Variants in MGST1 observed in about 807,000 individuals in gnomAD.
MGST1 encodes the protein microsomal glutathione S-transferase 1.
MGST1 carries 5 observed loss-of-function variants against 8.9 expected under a neutral mutation model. The ratio of observed to expected loss-of-function variants is 0.56; its 90% CI spans 0.29 to 1.19. The LOEUF (loss-of-function observed/expected upper bound fraction) is 1.19, where lower values mean the gene tolerates loss of function less well. Ranked by LOEUF, MGST1 falls within the 50% of genes most tolerant of loss-of-function variation. The probability of loss-of-function intolerance (pLI) is 0.08; values close to 1 mark genes in which losing one functional copy is unlikely to be tolerated. For missense variants in MGST1, 182 were observed against 187.4 expected (o/e 0.97, Z 0.17); for synonymous variants, 54 against 67.8 (o/e 0.80, Z 1.00).
chr12:16,351,387 A>G (rs1030692762), intron 1 of MGST1, among the ~76,000 whole-genome samples: 1 of 152,206 alleles, frequency 6.6e-6, no homozygotes, highest in African/African-American at 2.4e-5. Context: ...CTAATCTAAC[A>G]TACTGTGCTT....
In MGST1 at chr12:16,537,183, C is replaced by T. The variant is rs939340726; in HGVS notation, n.483-52345C>T. On this transcript the variant is annotated intron_variant and non_coding_transcript_variant, in intron 4 of 4. Transcript: ENST00000538857. This position sits in a 1 kb window ranked among gnomAD's most constrained non-coding sequence, Gnocchi z 4.6. Reference sequence around the variant, plus strand: ...GCCAAAATAAAGGGATTACAGGGCCCATCCAAGTCTGAAATCCAGTGGGGC... The same window carrying T: ...GCCAAAATAAAGGGATTACAGGGCCTATCCAAGTCTGAAATCCAGTGGGGC... Among the ~76,000 whole-genome samples the T allele has an allele frequency of 6.6e-6, 1 of 152,158 alleles. No individual in the cohort carries two copies. The highest frequency in any genetic ancestry group is 1.5e-5 in the Non-Finnish European group (1 of 68,020).
In MGST1 at chr12:16,458,009, C is replaced by A. The variant is rs537806984; in HGVS notation, n.482+74405C>A. On this transcript the variant is annotated intron_variant and non_coding_transcript_variant, in intron 4 of 4. Coordinates refer to the MGST1 transcript ENST00000538857. The surrounding 1 kb of genome is among the most constrained non-coding windows in gnomAD (Gnocchi z 4.0). ...ATCACTTAATTTTTCCCTAGGAAAGCTTTTGCTTGCCCTAGCAATATTATA... is the reference window on the plus strand; with the variant it reads ...ATCACTTAATTTTTCCCTAGGAAAGATTTTGCTTGCCCTAGCAATATTATA... 6.6e-6 allele frequency among the ~76,000 whole-genome samples: 1 copy of A among 152,088 alleles called. No homozygotes were observed. The highest frequency in any genetic ancestry group is 2.4e-5 in the African/African-American group (1 of 41,526).
intron 4 of MGST1, among the ~76,000 whole-genome samples, chr12:16,568,717 CTTGGCTACT>C (rs1942704708): frequency 2.0e-5 from 3 of 152,262 alleles, no homozygotes; most frequent in South Asian, 4.1e-4. Context: ...AAACACTTTC[CTTGGCTACT>C]TTGGCTACTA....
chr12:16,354,436 G>A (rs1939617656), intron 2 of MGST1, 58 bp downstream of exon 2: 1 of 1,537,398 alleles, frequency 6.5e-7, no homozygotes, highest in African/African-American at 1.4e-5. Context: ...CTGGAGAGCA[G>A]TTTTCTTAAT....
rs1942338130 is a variant in MGST1, at chr12:16,560,060, T to C, written n.483-29468T>C. Among the ~76,000 whole-genome samples the C allele has an allele frequency of 6.6e-6, 1 of 152,270 alleles. No homozygotes were observed. Among genetic ancestry groups the C allele is most frequent in the South Asian group, 2.1e-4 (1 of 4,814 alleles). On this transcript the variant is annotated intron_variant and non_coding_transcript_variant, in intron 4 of 4. Coordinates refer to the MGST1 transcript ENST00000538857. The surrounding 1 kb of genome is among the most constrained non-coding windows in gnomAD (Gnocchi z 5.0). Reference sequence around the variant, plus strand: ...AACAAATTCCTGTATATTTGCTTCATTGCCAATTTATTTACTCACATAAGT... The same window carrying C: ...AACAAATTCCTGTATATTTGCTTCACTGCCAATTTATTTACTCACATAAGT...
intron 4 of MGST1, among the ~76,000 whole-genome samples, chr12:16,460,146 A>C (rs1941207632): frequency 6.6e-6 from 1 of 152,144 alleles, no homozygotes; most frequent in Non-Finnish European, 1.5e-5. Flanking sequence ...AGTCTTAATA[A>C]AGGTTAGTTG....
rs1376148811 is a variant in MGST1 at position 16,547,021 on chromosome 12, A to C, written n.483-42507A>C. Among the ~76,000 whole-genome samples the C allele has an allele frequency of 6.6e-6, 1 of 152,154 alleles. No homozygotes were observed. Among genetic ancestry groups the C allele is most frequent in the Non-Finnish European group, 1.5e-5 (1 of 68,022 alleles). On this transcript the variant is annotated intron_variant and non_coding_transcript_variant, in intron 4 of 4. Transcript: ENST00000538857. This position sits in a 1 kb window ranked among gnomAD's most constrained non-coding sequence, Gnocchi z 4.6. ...TTGTACTGTTCAACACGAAAGTCTT[A>C]CATCTTGATTATAAAAGTAAAAATA... is the stretch of plus-strand genomic sequence containing the variant.
chr12:16,512,122 T>C (rs1014810919), intron 4 of MGST1, among the ~76,000 whole-genome samples: 1 of 152,062 alleles, frequency 6.6e-6, no homozygotes, highest in African/African-American at 2.4e-5. Context: ...AAATAACAAC[T>C]ATATTTTTAG....
At chr12:16,468,393 G>T (rs1481842132) in intron 4 of MGST1, among the ~76,000 whole-genome samples, 1 of 7,406 alleles carries the variant, frequency 1.4e-4, no homozygotes, top group Non-Finnish European at 4.5e-3. Context: ...TTTGTATCGG[G>T]TCTCGTTGTT....
At position 16,537,545 on chromosome 12, in the gene MGST1, A is replaced by G. The variant is rs1284548505; in HGVS notation, n.483-51983A>G. ...ACTGCCCTAGCAGAGATTCTCCATG[A>G]GGGCCCTGCCTCTGCAGCACACTTT... On this transcript the variant is annotated intron_variant and non_coding_transcript_variant, in intron 4 of 4. Coordinates refer to the MGST1 transcript ENST00000538857. The surrounding 1 kb of genome is among the most constrained non-coding windows in gnomAD (Gnocchi z 4.6). Among the ~76,000 whole-genome samples the G allele has an allele frequency of 6.6e-6, 1 of 152,220 alleles. No individual in the cohort carries two copies. Among genetic ancestry groups the G allele is most frequent in the African/African-American group, 2.4e-5 (1 of 41,462 alleles).
chr12:16,464,330 G>A (rs1420755370), intron 4 of MGST1, among the ~76,000 whole-genome samples: 1 of 152,054 alleles, frequency 6.6e-6, no homozygotes, highest in Admixed American at 6.5e-5. Context: ...TTCTCTGGCT[G>A]GTAGCAAATA....
intron 4 of MGST1, among the ~76,000 whole-genome samples, chr12:16,543,118 A>G (rs115425515): frequency 0.014 from 2,134 of 152,234 alleles, 47 homozygotes; most frequent in African/African-American, 0.049. Context: ...GGGACTCTTC[A>G]TTACATTCCT....
chr12:16,389,057 G>T lies in MGST1; in HGVS notation n.778+5453G>T, dbSNP rs1275306518. 2.0e-5 allele frequency among the ~76,000 whole-genome samples: 3 copies of T among 152,250 alleles called. No individual in the cohort carries two copies. Among genetic ancestry groups the T allele is most frequent in the African/African-American group, 4.8e-5 (2 of 41,464 alleles). On this transcript the variant is annotated intron_variant and non_coding_transcript_variant, in intron 1 of 1. Coordinates refer to the MGST1 transcript ENST00000359720. The surrounding 1 kb of genome is among the most constrained non-coding windows in gnomAD (Gnocchi z 4.6). Reference sequence around the variant, plus strand: ...GGGGAAATTAAGTTAATCTTGTAAAGTGCCACTTTGCGTATCTGAAGACAA... The same window carrying T: ...GGGGAAATTAAGTTAATCTTGTAAATTGCCACTTTGCGTATCTGAAGACAA...
chr12:16,583,693 C>T (rs12320182), intron 4 of MGST1, among the ~76,000 whole-genome samples: 112 of 152,292 alleles, frequency 7.4e-4, no homozygotes, highest in African/African-American at 2.5e-3. Context: ...TCTAGCAATG[C>T]TTAACCACAC....
rs1490864857 is a variant in MGST1 at position 16,555,028 on chromosome 12, A to ATACTT, written n.483-34493_483-34489dup. Among the ~76,000 whole-genome samples the ATACTT allele has an allele frequency of 3.9e-5, 6 of 152,300 alleles. No individual in the cohort carries two copies. Among genetic ancestry groups the ATACTT allele is most frequent in the African/African-American group, 1.4e-4 (6 of 41,566 alleles). ...CTTGGGCAAGTTACTTACATTTCCT[A>ATACTT]TACTTTACTTTCCTCATCTGTCAAA... On this transcript the variant is annotated intron_variant and non_coding_transcript_variant, in intron 4 of 4. Coordinates refer to the MGST1 transcript ENST00000538857. The surrounding 1 kb of genome is among the most constrained non-coding windows in gnomAD (Gnocchi z 5.5).
chr12:16,388,327 C>T (rs904996995), intron 1 of MGST1, among the ~76,000 whole-genome samples: 1 of 151,964 alleles, frequency 6.6e-6, no homozygotes, highest in Non-Finnish European at 1.5e-5. Context: ...ATGGAGCTTG[C>T]AGGATTGGAA....
chr12:16,450,873 TG>T (rs1941123940), intron 4 of MGST1, among the ~76,000 whole-genome samples: 1 of 143,836 alleles, frequency 7.0e-6, no homozygotes, highest in Non-Finnish European at 1.5e-5. Context: ...TGTGTGTGTG[TG>T]TGTCACACAC....
At chr12:16,445,106 G>T (rs955993727) in intron 4 of MGST1, among the ~76,000 whole-genome samples, 1 of 151,410 alleles carries the variant, frequency 6.6e-6, no homozygotes, top group Admixed American at 6.6e-5. Flanking sequence ...AGCATCCTGG[G>T]CTTGCTGTCT....
downstream of MGST1, among the ~76,000 whole-genome samples, chr12:16,366,656 C>G (rs1940196754): frequency 1.8e-5 from 1 of 56,624 alleles, no homozygotes; most frequent in African/African-American, 7.7e-5. This position sits in a 1 kb window ranked among gnomAD's most constrained non-coding sequence, Gnocchi z 4.0. Flanking sequence ...CACACACACA[C>G]ACACACACAT....
Sources: allele counts gnomAD v4.1 joint callset (sites outside exome capture counted in the v4.1 genomes callset), GRCh38; gene constraint gnomAD v4.1.1; non-coding constraint Gnocchi (gnomAD v3.1); transcripts MANE v1.5; gene names NCBI Gene and HGNC (gene_info 2026-07-23, HGNC 2026-07-21).